Variants in PRTG observed in about 807,000 individuals in gnomAD.
PRTG encodes the protein protogenin, also known as immunoglobulin superfamily, DCC subclass, member 5.
In PRTG, 67 loss-of-function variants were observed where a neutral mutation model predicts 122.5. That is an observed-to-expected ratio of 0.55 (90% confidence interval 0.45 to 0.67). The LOEUF is 0.67. PRTG is among the 30% of genes least tolerant of loss of function. The pLI, the probability that PRTG is intolerant of heterozygous loss-of-function variation, is 0.00. For missense variants in PRTG, 1,435 were observed against 1,415.4 expected (o/e 1.01, Z -0.22); for synonymous variants, 554 against 501.1 (o/e 1.11, Z -1.41).
chr15:55,675,364 T>C (rs1018279217), intron 9 of PRTG, among the ~76,000 whole-genome samples, 155 bp downstream of exon 9: 2 of 152,148 alleles, frequency 1.3e-5, no homozygotes, highest in Non-Finnish European at 2.9e-5. Flanking sequence ...CTTATGTTAC[T>C]GGCAAAAAGC....
chr15:55,679,635 T>C (rs913848744), intron 6 of PRTG, 190 bp from the exon 7 acceptor site: 2 of 514,892 alleles, frequency 3.9e-6, no homozygotes, highest in African/African-American at 3.8e-5. Flanking sequence ...ACTTCCTCCA[T>C]GATTTCCCTA....
At chr15:55,624,740 T>C (rs1004474278) in intron 17 of PRTG, among the ~76,000 whole-genome samples, 4 of 152,236 alleles carry the variant, frequency 2.6e-5, no homozygotes, top group Non-Finnish European at 5.9e-5. Flanking sequence ...AATTACTCTC[T>C]ACAAGTATTG....
chr15:55,702,970 C>A (rs747314274), intron 2 of PRTG: 1 of 969,064 alleles, frequency 1.0e-6, no homozygotes, highest in African/African-American at 1.8e-5. Context: ...CTAAACCTAT[C>A]TTGGGAATTC....
chr15:55,733,514 C>CAAAAAAA (rs1171561645), intron 2 of PRTG, among the ~76,000 whole-genome samples: 12 of 76,306 alleles, frequency 1.6e-4, no homozygotes, highest in East Asian at 3.5e-4. Context: ...CTGTCTCAAA[C>CAAAAAAA]AAAAAAAAAA....
intron 6 of PRTG, 197 bp from the exon 7 acceptor site, chr15:55,679,642 C>A (rs1486520429): frequency 2.0e-6 from 1 of 508,800 alleles, no homozygotes; most frequent in Non-Finnish European, 3.5e-6. Context: ...CCATGATTTC[C>A]CTATTCAGAG....
rs529220188 is a variant in PRTG at position 55,738,713 on chromosome 15, C to T, written c.397+1669G>A. The T allele has an allele frequency of 2.6e-4, 55 of 210,238 alleles. No individual in the cohort carries two copies. The East Asian group carries it at 4.9e-3, about 19-fold the overall frequency. The allele number at this position is 210,238 out of a possible 1,614,324, so 13.0% of individuals were successfully genotyped here. A position where few individuals can be genotyped will look rare whatever the true frequency, so the allele number is the denominator to read the frequency against. On this transcript the variant is annotated intron_variant, in intron 2 of 19. Transcript: ENST00000389286. The stretch of plus-strand genomic sequence containing the variant: ...AAAAATAATTATTGGCCAATGATTA[C>T]GGGGGAAGGAGGGAAGGAAGGCATG...
At chr15:55,622,433 G>A (rs1263401901) in intron 18 of PRTG, among the ~76,000 whole-genome samples, 1 of 146,356 alleles carries the variant, frequency 6.8e-6, no homozygotes, top group Non-Finnish European at 1.5e-5. Context: ...ACCCAGGTTG[G>A]ATTGTAGTGG....
chr15:55,637,053 T>C (rs1195562455), intron 15 of PRTG, 117 bp downstream of exon 15: 3 of 904,804 alleles, frequency 3.3e-6, no homozygotes, highest in East Asian at 5.6e-5. Flanking sequence ...CAAAATCTTT[T>C]ATTACTTCAT....
intron 2 of PRTG, among the ~76,000 whole-genome samples, chr15:55,693,556 T>C (rs1367014942): frequency 1.3e-5 from 2 of 151,816 alleles, no homozygotes; most frequent in African/African-American, 2.4e-5. Context: ...TATGTGTATA[T>C]AGGGAGGTGG....
chr15:55,690,902 C>T (rs1005395638), intron 2 of PRTG, among the ~76,000 whole-genome samples: 1 of 152,184 alleles, frequency 6.6e-6, no homozygotes, highest in Admixed American at 6.5e-5. Flanking sequence ...GCAACTTGCC[C>T]AAAGTTTGCA....
rs902554030 is a variant in PRTG at position 55,616,051 on chromosome 15, C to T, written c.*3961G>A. 4 of 152,092 alleles carry T rather than the reference C, an allele frequency of 2.6e-5. No homozygotes were observed. The highest frequency in any genetic ancestry group is 9.7e-5 in the African/African-American group (4 of 41,420). 9.4% of individuals were successfully genotyped at this position (152,092 alleles called of 1,614,324 possible). A position where few individuals can be genotyped will look rare whatever the true frequency, so the allele number is the denominator to read the frequency against. On this transcript the variant is annotated 3_prime_UTR_variant, in exon 20 of 20. Transcript: ENST00000389286. ...GTTTCAAGCACAGACAAAAGTATAG[C>T]ATGTGACACTAAGAATCTAATTTCT...
chr15:55,643,654 A>G (rs1416866638), intron 11 of PRTG, among the ~76,000 whole-genome samples: 2 of 151,718 alleles, frequency 1.3e-5, no homozygotes, highest in African/African-American at 4.8e-5. Flanking sequence ...CAACTCCTGC[A>G]CTCAAGCTAT....
At position 55,711,218 on chromosome 15, in the gene PRTG, G is replaced by A. The variant is rs137868584; in HGVS notation, c.398-27287C>T. On this transcript the variant is annotated intron_variant, in intron 2 of 19. Transcript: ENST00000389286. ...ATTACAGGCGTGAGCCACTGCGTCC[G>A]GCCTAAAGGATTTAATCTTATTTAT... Among the ~76,000 whole-genome samples, 20 of 151,894 alleles carry A rather than the reference G, an allele frequency of 1.3e-4. No individual in the cohort carries two copies. The South Asian group carries it at 4.0e-3, about 30-fold the overall frequency.
Position 55,738,539 on chromosome 15 carries a change from C to T in PRTG, c.397+1843G>A, listed in dbSNP as rs192315190. 1.4e-3 allele frequency: 987 copies of T among 701,126 alleles called. 8 individuals carry two copies. The African/African-American group carries it at 0.015, about 11-fold the overall frequency. 43.4% of individuals were successfully genotyped at this position (701,126 alleles called of 1,614,324 possible). A position where few individuals can be genotyped will look rare whatever the true frequency, so the allele number is the denominator to read the frequency against. ...AAGTTACAGTTCCTGAAGATGAAAA[C>T]ACAGGATTCTACAAACTCTAAAAGG... On this transcript the variant is annotated intron_variant, in intron 2 of 19. Transcript: ENST00000389286.
At chr15:55,718,006 C>G (rs1314295537) in intron 2 of PRTG, among the ~76,000 whole-genome samples, 1 of 152,216 alleles carries the variant, frequency 6.6e-6, no homozygotes, top group Non-Finnish European at 1.5e-5. Context: ...GAAAGATCCA[C>G]CTACGACCTC....
intron 13 of PRTG, among the ~76,000 whole-genome samples, chr15:55,638,950 G>A (rs2059273601): frequency 7.9e-6 from 1 of 127,172 alleles, no homozygotes; most frequent in South Asian, 3.3e-4. Context: ...AATACTGGAA[G>A]TCAAATCATT....
At chr15:55,637,935 G>C (rs911560466) in intron 14 of PRTG, among the ~76,000 whole-genome samples, 2 of 152,224 alleles carry the variant, frequency 1.3e-5, no homozygotes, top group East Asian at 3.9e-4. Flanking sequence ...ATGGAATATT[G>C]CCAAAACCAT....
Position 55,620,529 on chromosome 15 carries a change from C to T in PRTG, c.3198+134G>A, listed in dbSNP as rs2059160448. On this transcript the variant is annotated intron_variant, in intron 19 of 19. Transcript: ENST00000389286. The stretch of plus-strand genomic sequence containing the variant: ...CACCTCGCTCTCCACAGAGCCATGC[C>T]CCAAATTAATAAAATCACAGCCATG... 7 of 1,352,222 alleles carry T rather than the reference C, an allele frequency of 5.2e-6. No homozygotes were observed. In the South Asian group the frequency reaches 9.3e-5, roughly 18 times the overall value. 83.8% of individuals were successfully genotyped at this position (1,352,222 alleles called of 1,614,324 possible). A position where few individuals can be genotyped will look rare whatever the true frequency, so the allele number is the denominator to read the frequency against.
chr15:55,645,263 G>A lies in PRTG; in HGVS notation c.2042-4055C>T, dbSNP rs1205557697. On this transcript the variant is annotated intron_variant, in intron 11 of 19. Transcript: ENST00000389286. ...ATCCTGGCTAACACGGTGAAACCCC[G>A]TCTCTACTAAAAATACAAAAATTAG... is the stretch of plus-strand genomic sequence containing the variant. Among the ~76,000 whole-genome samples, 6 of 149,468 alleles carry A rather than the reference G, an allele frequency of 4.0e-5. No homozygotes were observed. In the East Asian group the frequency reaches 5.9e-4, roughly 15 times the overall value.
Sources: gnomAD v4.1 joint callset for allele counts (sites outside exome capture counted in the v4.1 genomes callset) on GRCh38, gnomAD v4.1.1 for gene constraint, MANE v1.5 for transcripts, NCBI Gene and HGNC (gene_info 2026-07-23, HGNC 2026-07-21) for gene names.